The following CTNNA3 variants were observed in gnomAD, a reference collection of about 807,000 sequenced individuals.
CTNNA3 encodes catenin alpha 3, also known as catenin alpha-3.
CTNNA3 carries 76 observed loss-of-function variants against 95.7 expected under a neutral mutation model. That is an observed-to-expected ratio of 0.79 (90% CI 0.66 to 0.96). CTNNA3 has a LOEUF of 0.96. Ranked by LOEUF, CTNNA3 falls within the 40% of genes least tolerant of loss-of-function variation. The probability of loss-of-function intolerance (pLI) is 0.00; values close to 1 mark genes in which losing one functional copy is unlikely to be tolerated. For synonymous variants in CTNNA3, 431 were observed against 374.4 expected, an observed-to-expected ratio of 1.15 and a Z score of -1.74; for missense variants, 1,191 against 1,089.8, an observed-to-expected ratio of 1.09 and a Z score of -1.31.
intron 9 of CTNNA3, among the ~76,000 whole-genome samples, chr10:66,653,873 A>C (rs1845990701): frequency 6.6e-6 from 1 of 152,082 alleles, no homozygotes; most frequent in African/African-American, 2.4e-5. Context: ...CTCTTCAATA[A>C]ATTTTGTTGG....
At chr10:67,746,492 G>T (rs1387753284) in intron 1 of CTNNA3, among the ~76,000 whole-genome samples, 1 of 151,960 alleles carries the variant, frequency 6.6e-6, no homozygotes, top group Non-Finnish European at 1.5e-5. Context: ...ATTAACCAAG[G>T]TATCCATGTT....
intron 9 of CTNNA3, among the ~76,000 whole-genome samples, chr10:66,628,030 G>A (rs944998796): frequency 6.6e-6 from 1 of 151,982 alleles, no homozygotes; most frequent in Non-Finnish European, 1.5e-5. Context: ...TCGCATTATA[G>A]CGAATTCTCC....
intron 7 of CTNNA3, among the ~76,000 whole-genome samples, chr10:66,823,381 A>C (rs1005619279): frequency 6.6e-5 from 10 of 151,098 alleles, no homozygotes; most frequent in Non-Finnish European, 1.3e-4. Context: ...CAGATGTTTT[A>C]TGTGAATTAA....
chr10:66,430,649 A>G (rs112212264), intron 11 of CTNNA3, among the ~76,000 whole-genome samples: 57,996 of 151,892 alleles, frequency 0.38, 11,624 homozygotes, highest in African/African-American at 0.5. Context: ...ACAAGAAATG[A>G]GGAAAGGATT....
At chr10:65,947,535 T>C (rs1183104221) in intron 17 of CTNNA3, among the ~76,000 whole-genome samples, 1 of 152,212 alleles carries the variant, frequency 6.6e-6, no homozygotes, top group Non-Finnish European at 1.5e-5. Flanking sequence ...AGGTATTTAT[T>C]GTCCAGTGAG....
At chr10:67,294,731 A>G (rs542933692) in intron 5 of CTNNA3, among the ~76,000 whole-genome samples, 1 of 152,284 alleles carries the variant, frequency 6.6e-6, no homozygotes, top group East Asian at 1.9e-4. Context: ...TTTGATTTAT[A>G]AAAGTTTAAT....
intron 5 of CTNNA3, among the ~76,000 whole-genome samples, chr10:67,294,489 T>C (rs975426087): frequency 1.3e-5 from 2 of 152,092 alleles, no homozygotes; most frequent in African/African-American, 4.8e-5. Context: ...TCAATTCAGG[T>C]AACATTTTTA....
chr10:67,162,770 A>G (rs1156740801), intron 7 of CTNNA3, among the ~76,000 whole-genome samples: 1 of 151,938 alleles, frequency 6.6e-6, no homozygotes, highest in Non-Finnish European at 1.5e-5. Flanking sequence ...TAACAAAAAT[A>G]AAAGAGAAGA....
intron 12 of CTNNA3, among the ~76,000 whole-genome samples, chr10:66,361,827 C>A (rs2092678403): frequency 6.6e-6 from 1 of 152,062 alleles, no homozygotes. Context: ...TATGAGCCAC[C>A]ATGCCCAACC....
chr10:66,613,694 T>C (rs890307941), intron 10 of CTNNA3, among the ~76,000 whole-genome samples: 16 of 151,868 alleles, frequency 1.1e-4, no homozygotes, highest in African/African-American at 3.6e-4. Context: ...TCACCTCATT[T>C]AAGTCTTTTT....
At chr10:67,431,166 A>G (rs549570900) in intron 5 of CTNNA3, among the ~76,000 whole-genome samples, 1 of 152,088 alleles carries the variant, frequency 6.6e-6, no homozygotes, top group East Asian at 1.9e-4. Flanking sequence ...CTAATGGACT[A>G]TATTAATTTT....
At chr10:66,326,052 T>G (rs1297385889) in intron 12 of CTNNA3, among the ~76,000 whole-genome samples, 2 of 152,006 alleles carry the variant, frequency 1.3e-5, no homozygotes, top group Non-Finnish European at 2.9e-5. Flanking sequence ...GAGAACTGAG[T>G]CAGAATTTTG....
At chr10:66,259,336 C>A (rs916857577) in intron 13 of CTNNA3, among the ~76,000 whole-genome samples, 7 of 152,122 alleles carry the variant, frequency 4.6e-5, no homozygotes, top group Admixed American at 3.9e-4. Context: ...AGACCTGGGG[C>A]CCCTCTTCAC....
At chr10:67,496,965 G>C (rs1245690976) in intron 5 of CTNNA3, among the ~76,000 whole-genome samples, 3 of 151,930 alleles carry the variant, frequency 2.0e-5, no homozygotes, top group African/African-American at 7.3e-5. Flanking sequence ...TAAGTTCTGG[G>C]ATATATGTGC....
At chr10:66,787,326 G>A (rs1283752378) in intron 7 of CTNNA3, among the ~76,000 whole-genome samples, 1 of 149,522 alleles carries the variant, frequency 6.7e-6, no homozygotes, top group Non-Finnish European at 1.5e-5. Flanking sequence ...TTCCCTACAG[G>A]AAAGAGCATT....
chr10:66,123,407 T>G (rs185698553), intron 13 of CTNNA3, among the ~76,000 whole-genome samples: 27 of 152,112 alleles, frequency 1.8e-4, no homozygotes, highest in African/African-American at 6.0e-4. Context: ...CCCTGTGGCT[T>G]TGCAGGGTAC....
chr10:65,995,585 G>T (rs910476846), intron 15 of CTNNA3, among the ~76,000 whole-genome samples: 2 of 152,198 alleles, frequency 1.3e-5, no homozygotes, highest in Admixed American at 1.3e-4. Context: ...GCATGGGCAC[G>T]AATGTAATTA....
In CTNNA3 at chr10:65,920,198, G is replaced by A. The variant is rs542038737; in HGVS notation, c.*132C>T. The A allele has an allele frequency of 7.2e-5, 54 of 746,966 alleles. No homozygotes were observed. Among genetic ancestry groups the A allele is most frequent in the Middle Eastern group, 3.2e-4 (1 of 3,148 alleles). 46.3% of individuals were successfully genotyped at this position (746,966 alleles called of 1,614,324 possible). A position where few individuals can be genotyped will look rare whatever the true frequency, so the allele number is the denominator to read the frequency against. On this transcript the variant is annotated 3_prime_UTR_variant, in exon 18 of 18. Coordinates refer to ENST00000433211, the MANE Select transcript of CTNNA3 (RefSeq NM_013266.4). ...TATATATTGCTTTTGTTGATTTAGC[G>A]CCCAATATTTTATGTTATTTGTGAG...
chr10:67,617,420 C>CA (rs1246635466), intron 2 of CTNNA3, among the ~76,000 whole-genome samples: 1 of 152,082 alleles, frequency 6.6e-6, no homozygotes, highest in Non-Finnish European at 1.5e-5. Flanking sequence ...CATGTTCCTG[C>CA]AAAGGACATG....
Sources: allele counts gnomAD v4.1 joint callset (sites outside exome capture counted in the v4.1 genomes callset), GRCh38; gene constraint gnomAD v4.1.1; transcripts MANE v1.5; gene names NCBI Gene and HGNC (gene_info 2026-07-23, HGNC 2026-07-21).